Variants in DNAH2 observed in about 807,000 individuals in gnomAD.
The protein encoded by DNAH2 is axonemal beta dynein heavy chain 2.
Under a neutral mutation model 523.5 loss-of-function variants are expected in DNAH2, and 323 were observed. The ratio of observed to expected loss-of-function variants is 0.62; its 90% CI spans 0.56 to 0.68. DNAH2 has a LOEUF of 0.68. Among genes scored for constraint, DNAH2 ranks in the 30% least tolerant of loss-of-function variants. The probability of loss-of-function intolerance (pLI) is 0.00; values close to 1 mark genes in which losing one functional copy is unlikely to be tolerated. For missense variants in DNAH2, 4,907 were observed against 5,701.5 expected (o/e 0.86, Z 4.49); for synonymous variants, 2,093 against 2,177.4 (o/e 0.96, Z 1.08).
At chr17:7,815,517 G>A (rs2077635958) in intron 63 of DNAH2, among the ~76,000 whole-genome samples, 1 of 151,988 alleles carries the variant, frequency 6.6e-6, no homozygotes, top group South Asian at 2.1e-4. Context: ...CACATATACA[G>A]GATCACACAC....
In DNAH2 at chr17:7,754,066, G is replaced by A. The variant is rs562636226; in HGVS notation, c.1905-3025G>A. ...GTGTGATGAGGGCATTTGATGGGTG[G>A]AGTGGGAGCCAGGTCTCAGGGATGA... is the stretch of plus-strand genomic sequence containing the variant. On this transcript the variant is annotated intron_variant, in intron 12 of 85. Transcript: ENST00000572933. This position sits in a 1 kb window ranked among gnomAD's most constrained non-coding sequence, Gnocchi z 4.6. Among the ~76,000 whole-genome samples the A allele has an allele frequency of 9.9e-5, 15 of 152,174 alleles. No individual in the cohort carries two copies. The East Asian group carries it at 2.9e-3, about 29-fold the overall frequency.
At chr17:7,801,826 C>G in intron 57 of DNAH2, 52 bp from the exon 58 acceptor site, 1 of 1,613,086 alleles carries the variant, frequency 6.2e-7, no homozygotes, top group South Asian at 1.1e-5. Flanking sequence ...CTCCCAGCCT[C>G]TCTCCCACTT....
intron 58 of DNAH2, 148 bp downstream of exon 58, chr17:7,802,165 T>C (rs1488547691): frequency 9.2e-7 from 1 of 1,081,710 alleles, no homozygotes; most frequent in African/African-American, 1.6e-5. Flanking sequence ...GGGCTTCCCG[T>C]GGGAGGGGCT....
chr17:7,775,470 G>C, intron 30 of DNAH2, 128 bp downstream of exon 30: 1 of 827,982 alleles, frequency 1.2e-6, no homozygotes, highest in Non-Finnish European at 1.9e-6. Flanking sequence ...CAGATCACCT[G>C]AGGTCGGGAG....
At chr17:7,776,256 A>G (rs1049956640) in intron 31 of DNAH2, 107 bp downstream of exon 31, 1 of 1,335,656 alleles carries the variant, frequency 7.5e-7, no homozygotes, top group Non-Finnish European at 1.0e-6. Flanking sequence ...ACTTGAGGTC[A>G]GGAGTTCAAG....
chr17:7,777,458 A>AATAAGTATT lies in DNAH2; in HGVS notation c.5072_5080dup (p.Tyr1693_Ser1694insTyrLysTyr). The AATAAGTATT allele has an allele frequency of 6.2e-7, 1 of 1,614,138 alleles. No individual in the cohort carries two copies. The highest frequency in any genetic ancestry group is 8.5e-7 in the Non-Finnish European group (1 of 1,180,012). ...CTTCATGCCACAGGTGTCAATCCTG[A>AATAAGTATT]ATAAGTATTCAGAAGCCATCAGGGG... On this transcript the variant is annotated inframe_insertion, in exon 33 of 86. Transcript: ENST00000572933.
At chr17:7,742,883 G>GTGTCATTAAAAA in intron 11 of DNAH2, 45 bp from the exon 12 acceptor site, 5 of 1,323,102 alleles carry the variant, frequency 3.8e-6, no homozygotes, top group South Asian at 2.5e-5. Flanking sequence ...GCCCCTGGAG[G>GTGTCATTAAAAA]AAGGTGGCAG....
Position 7,816,561 on chromosome 17 carries a change from T to C in DNAH2, c.9730-10T>C, listed in dbSNP as rs1567746374. 6.2e-7 allele frequency: 1 copy of C among 1,614,098 alleles called. No homozygotes were observed. Among genetic ancestry groups the C allele is most frequent in the Non-Finnish European group, 8.5e-7 (1 of 1,180,006 alleles). On this transcript the variant is annotated splice_polypyrimidine_tract_variant and intron_variant, in intron 63 of 85. Transcript: ENST00000572933. ...CTGTGTTTGATGCGCTATACTCGAA[T>C]CTCTCCCAGGTAGCTGAGAAACTGG...
chr17:7,803,691 T>A (rs932242972), intron 58 of DNAH2, among the ~76,000 whole-genome samples: 1 of 146,078 alleles, frequency 6.8e-6, no homozygotes, highest in Admixed American at 6.8e-5. Flanking sequence ...TCAGAAATTG[T>A]GGGGCAGGTG....
chr17:7,742,729 G>A (rs185404203), intron 11 of DNAH2, among the ~76,000 whole-genome samples, 199 bp from the exon 12 acceptor site: 71 of 152,104 alleles, frequency 4.7e-4, no homozygotes, highest in Non-Finnish European at 6.9e-4. Context: ...TTCTCATTGC[G>A]CCTTGGTCTC....
chr17:7,748,370 G>A (rs1358824391), intron 12 of DNAH2, among the ~76,000 whole-genome samples: 7 of 152,076 alleles, frequency 4.6e-5, no homozygotes, highest in Admixed American at 2.6e-4. Flanking sequence ...TTTTCCCCCC[G>A]GGTCAGCCCG....
Position 7,832,868 on chromosome 17 carries a change from C to T in DNAH2, c.12918C>T (p.Ser4306=). 1 of 1,614,220 alleles carries T rather than the reference C, an allele frequency of 6.2e-7. No homozygotes were observed. Residue 4306 remains serine (S), a synonymous_variant, in exon 84 of 86, where the codon AGC becomes AGT. Coordinates refer to ENST00000572933, the MANE Select transcript of DNAH2 (RefSeq NM_020877.5). This position sits in a 1 kb window ranked among gnomAD's most constrained non-coding sequence, Gnocchi z 4.3. ...TCAACCCCCAGGTTTCAGTGGACAG[C>T]CTCTCCTGGGAGTTTATCGTTTCCA... ...SARQNNVSVD[S]LSWEFIVSTV...
chr17:7,799,884 C>A (rs1318295401), intron 56 of DNAH2, among the ~76,000 whole-genome samples: 2 of 152,146 alleles, frequency 1.3e-5, no homozygotes, highest in African/African-American at 2.4e-5. Flanking sequence ...AGTGCTCAGT[C>A]GTGTGAAGTA....
At position 7,807,549 on chromosome 17, in the gene DNAH2, A is replaced by C. The variant is rs2077401553; in HGVS notation, c.9692A>C (p.Gln3231Pro). The C allele has an allele frequency of 6.2e-7, 1 of 1,612,802 alleles. No homozygotes were observed. The highest frequency in any genetic ancestry group is 1.3e-5 in the African/African-American group (1 of 74,936). ...GCCTTGGCTCAGCTTCGGGAGAAGC[A>C]AGCCGCGCTCGCTGAGGCCCAGGAG... ...NAALAQLREKQAALAEAQEKL... is the reference protein window; with the variant it reads ...NAALAQLREKPAALAEAQEKL... The change falls in exon 63 of 86, where the codon CAA (glutamine) becomes CCA (proline). Residue 3231 changes from glutamine to proline, a missense_variant. Around this residue, in one of 3 missense-constraint regions of DNAH2, gnomAD observed 1,851 missense variants for 2,139.4 expected, o/e 0.87. Transcript: ENST00000572933. The surrounding 1 kb of genome is among the most constrained non-coding windows in gnomAD (Gnocchi z 5.6).
At chr17:7,721,012 T>TC (rs1466854946) in intron 2 of DNAH2, among the ~76,000 whole-genome samples, 1 of 140,320 alleles carries the variant, frequency 7.1e-6, no homozygotes, top group African/African-American at 2.9e-5. Context: ...TTCTTTTTTT[T>TC]TTTTTTTTTT....
chr17:7,770,658 C>T lies in DNAH2; in HGVS notation c.4181+19C>T, dbSNP rs1020755233. 1.9e-6 allele frequency: 3 copies of T among 1,614,042 alleles called. No homozygotes were observed. The highest frequency in any genetic ancestry group is 1.7e-5 in the Admixed American group (1 of 60,010). On this transcript the variant is annotated intron_variant, in intron 26 of 85. Transcript: ENST00000572933. ...GGCTCAGGTCAGGGGAGCTGGGGCTCTAGGAGAATGGAGGGCTGTGTGACC... is the reference window on the plus strand; with the variant it reads ...GGCTCAGGTCAGGGGAGCTGGGGCTTTAGGAGAATGGAGGGCTGTGTGACC...
At chr17:7,829,883 G>C (rs972217186) in intron 77 of DNAH2, among the ~76,000 whole-genome samples, 1 of 152,048 alleles carries the variant, frequency 6.6e-6, no homozygotes, top group East Asian at 1.9e-4. Flanking sequence ...AAAATTAGCT[G>C]GGCATGGTGG....
chr17:7,743,254 A>G lies in DNAH2; in HGVS notation c.1904+112A>G, dbSNP rs2075407997. 3.4e-6 allele frequency: 4 copies of G among 1,165,770 alleles called. No homozygotes were observed. In the African/African-American group the frequency reaches 4.5e-5, roughly 13 times the overall value. 72.2% of individuals were successfully genotyped at this position (1,165,770 alleles called of 1,614,324 possible). A position where few individuals can be genotyped will look rare whatever the true frequency, so the allele number is the denominator to read the frequency against. ...TCATTATTCTCTCTCTTTCTCATAC[A>G]ATATGTTTGCTATCGTCATTTTACT... is the stretch of plus-strand genomic sequence containing the variant. On this transcript the variant is annotated intron_variant, in intron 12 of 85. Transcript: ENST00000572933.
At chr17:7,731,067 A>G (rs1167698691) in intron 4 of DNAH2, among the ~76,000 whole-genome samples, 1 of 152,060 alleles carries the variant, frequency 6.6e-6, no homozygotes, top group African/African-American at 2.4e-5. Flanking sequence ...GCAGTGAGCC[A>G]AGATCACGCC....
Sources: allele counts gnomAD v4.1 joint callset (sites outside exome capture counted in the v4.1 genomes callset), GRCh38; gene constraint gnomAD v4.1.1; regional missense constraint gnomAD v4.1.1; non-coding constraint Gnocchi (gnomAD v3.1); transcripts MANE v1.5; gene names NCBI Gene and HGNC (gene_info 2026-07-23, HGNC 2026-07-21).